The following MYO1E variants were observed in gnomAD, a reference collection of about 807,000 sequenced individuals.
The protein encoded by MYO1E is myosin IE, also known as unconventional myosin-Ie.
A neutral mutation model predicts 151.1 loss-of-function variants in MYO1E; 68 were observed. That is an observed-to-expected ratio of 0.45 (90% CI 0.37 to 0.55). MYO1E has a LOEUF of 0.55. Ranked by LOEUF, MYO1E falls within the 20% of genes least tolerant of loss-of-function variation. The pLI is 0.00. For synonymous variants in MYO1E, 601 were observed against 501.7 expected (o/e 1.20, Z -2.64); for missense variants, 1,363 against 1,389.3 (o/e 0.98, Z 0.30).
At chr15:59,252,220 A>G (rs560352815) in intron 4 of MYO1E, among the ~76,000 whole-genome samples, 3 of 152,198 alleles carry the variant, frequency 2.0e-5, no homozygotes, top group African/African-American at 7.2e-5. Flanking sequence ...ATAGGCACTG[A>G]AAACACAGGG....
intron 26 of MYO1E, among the ~76,000 whole-genome samples, chr15:59,147,123 ATT>A (rs1231176516): frequency 6.6e-6 from 1 of 152,210 alleles, no homozygotes; most frequent in African/African-American, 2.4e-5. Flanking sequence ...GTCAGCTGAC[ATT>A]TGAGTCCTCA....
chr15:59,230,221 T>G (rs1419159631), intron 6 of MYO1E, among the ~76,000 whole-genome samples: 9 of 112,100 alleles, frequency 8.0e-5, no homozygotes, highest in African/African-American at 3.6e-4. Context: ...AGACAGTGTG[T>G]GTTTGTGTGT....
chr15:59,218,128 G>A, intron 9 of MYO1E, 41 bp from the exon 10 acceptor site: 1 of 1,606,778 alleles, frequency 6.2e-7, no homozygotes. Context: ...TTTCAGAATT[G>A]TGACACTTCC....
intron 1 of MYO1E, among the ~76,000 whole-genome samples, chr15:59,279,272 C>T (rs1198738039): frequency 2.0e-5 from 3 of 152,080 alleles, no homozygotes; most frequent in African/African-American, 7.2e-5. Context: ...GTCAGTGGTG[C>T]CTGGAATCAA....
At chr15:59,255,596 AG>A (rs1213126510) in intron 4 of MYO1E, among the ~76,000 whole-genome samples, 2 of 152,144 alleles carry the variant, frequency 1.3e-5, no homozygotes, top group Non-Finnish European at 2.9e-5. Flanking sequence ...AAAGCACTTA[AG>A]GCAGGAGTAT....
intron 1 of MYO1E, among the ~76,000 whole-genome samples, chr15:59,289,593 A>G (rs1451714702): frequency 6.6e-6 from 1 of 152,242 alleles, no homozygotes; most frequent in African/African-American, 2.4e-5. Flanking sequence ...GAAGAAAGTA[A>G]GAGTTAAGGC....
At chr15:59,191,332 CAGAGAGAGAGAGAGAG>C (rs34694267) in intron 17 of MYO1E, among the ~76,000 whole-genome samples, 4 of 105,746 alleles carry the variant, frequency 3.8e-5, no homozygotes, top group South Asian at 5.3e-4. Flanking sequence ...CAGACAGAGA[CAGAGAGAGAGAGAGAG>C]AGAGAGAGAG....
Position 59,372,715 on chromosome 15 carries a change from G to T in MYO1E, c.-215C>A, listed in dbSNP as rs1057144046. 1.7e-6 allele frequency: 1 copy of T among 596,884 alleles called. No homozygotes were observed. The highest frequency in any genetic ancestry group is 2.9e-6 in the Non-Finnish European group (1 of 347,628). 37.0% of individuals were successfully genotyped at this position (596,884 alleles called of 1,614,324 possible). On this transcript the variant is annotated 5_prime_UTR_variant, in exon 1 of 28. An upstream open reading frame in the 5' UTR gains an earlier in-frame stop. Coordinates refer to ENST00000288235, the MANE Select transcript of MYO1E (RefSeq NM_004998.4). ...GTGAGGGCGAGACGGCGGCGACTTA[G>T]CAGGCGGGGCGCATGCTGCGGAGGG...
chr15:59,205,354 T>G (rs763003357), intron 15 of MYO1E, 46 bp downstream of exon 15: 8 of 1,575,376 alleles, frequency 5.1e-6, no homozygotes, highest in Non-Finnish European at 7.0e-6. Flanking sequence ...TATTGAAAAT[T>G]TCATCAAACC....
At chr15:59,257,394 G>C (rs1179958430) in intron 3 of MYO1E, among the ~76,000 whole-genome samples, 1 of 152,176 alleles carries the variant, frequency 6.6e-6, no homozygotes, top group Admixed American at 6.5e-5. Context: ...CTTGAGTCCA[G>C]GAGTTGGAGG....
intron 23 of MYO1E, 66 bp from the exon 24 acceptor site, chr15:59,161,296 C>T (rs1390891933): frequency 1.0e-5 from 16 of 1,539,822 alleles, no homozygotes; most frequent in Admixed American, 3.6e-5. Context: ...TCAGAGATCC[C>T]GCCACGGAGT....
At chr15:59,164,416 T>C (rs1400692828) in intron 22 of MYO1E, among the ~76,000 whole-genome samples, 1 of 152,172 alleles carries the variant, frequency 6.6e-6, no homozygotes, top group African/African-American at 2.4e-5. Flanking sequence ...AACATTTTAT[T>C]CTCTCCAAGT....
chr15:59,171,746 T>A, intron 22 of MYO1E, 151 bp downstream of exon 22: 1 of 1,073,914 alleles, frequency 9.3e-7, no homozygotes, highest in Non-Finnish European at 1.4e-6. Flanking sequence ...TAGGGAGTCT[T>A]CCCTTTGGGA....
intron 1 of MYO1E, among the ~76,000 whole-genome samples, chr15:59,351,792 A>G (rs186452736): frequency 7.9e-5 from 12 of 152,306 alleles, no homozygotes; most frequent in Admixed American, 5.9e-4. Context: ...CAAAGACACT[A>G]CTGTCTCCAG....
intron 26 of MYO1E, among the ~76,000 whole-genome samples, chr15:59,151,889 TAC>T (rs34550013): frequency 0.044 from 6,489 of 146,720 alleles, 309 homozygotes; most frequent in African/African-American, 0.12. Context: ...TCTACAAAAA[TAC>T]ACACACACAC....
chr15:59,307,461 C>T (rs536618501), intron 1 of MYO1E, among the ~76,000 whole-genome samples: 93 of 152,232 alleles, frequency 6.1e-4, no homozygotes, highest in Non-Finnish European at 8.7e-4. Flanking sequence ...ATTCTGTCAA[C>T]TTTAATCTAC....
chr15:59,132,987 A>G lies in MYO1E; in HGVS notation c.*4393T>C, dbSNP rs1391653378. 1 of 152,222 alleles carries G rather than the reference A, an allele frequency of 6.6e-6. No individual in the cohort carries two copies. The highest frequency in any genetic ancestry group is 1.5e-5 in the Non-Finnish European group (1 of 68,046). 9.4% of individuals were successfully genotyped at this position (152,222 alleles called of 1,614,324 possible). A position where few individuals can be genotyped will look rare whatever the true frequency, so the allele number is the denominator to read the frequency against. On this transcript the variant is annotated 3_prime_UTR_variant, in exon 28 of 28. Transcript: ENST00000288235. ...AGTTTTCTTCTCTCTCTCTTTTTAA[A>G]TAGACTTTTATGTTCTGAGAGGAAG...
chr15:59,249,636 C>T (rs1596384512), intron 4 of MYO1E, among the ~76,000 whole-genome samples: 1 of 152,128 alleles, frequency 6.6e-6, no homozygotes, highest in East Asian at 1.9e-4. Flanking sequence ...AAGTCTAAAA[C>T]ACCACCATAG....
intron 26 of MYO1E, among the ~76,000 whole-genome samples, chr15:59,139,893 T>C (rs1454771357): frequency 4.5e-4 from 1 of 2,218 alleles, no homozygotes; most frequent in Non-Finnish European, 8.3e-4. Context: ...TTCCCTCTCA[T>C]TTTATCAATC....
Sources: gnomAD v4.1 joint callset for allele counts (sites outside exome capture counted in the v4.1 genomes callset) on GRCh38, gnomAD v4.1.1 for gene constraint, MANE v1.5 for transcripts, NCBI Gene and HGNC (gene_info 2026-07-23, HGNC 2026-07-21) for gene names.